The following VAV1 variants were observed in gnomAD, a reference collection of about 807,000 sequenced individuals.
VAV1 encodes proto-oncogene vav.
VAV1 carries 33 observed loss-of-function variants against 128.1 expected under a neutral mutation model. The observed-to-expected ratio is 0.26, with a 90% CI of 0.20 to 0.34. VAV1 has a LOEUF of 0.34. Ranked by LOEUF, VAV1 falls within the 10% of genes least tolerant of loss-of-function variation. VAV1 has a pLI of 1.00. For missense variants in VAV1, 715 were observed against 1,093.7 expected, an observed-to-expected ratio of 0.65 and a Z score of 4.88; for synonymous variants, 394 against 409.8, an observed-to-expected ratio of 0.96 and a Z score of 0.47.
chr19:6,853,979 G>T lies in VAV1; in HGVS notation c.2365G>T (p.Ala789Ser). Residue 789 changes from alanine to serine, a missense_variant, in exon 26 of 27, where the codon GCC (alanine) becomes TCC (serine). Ala to Ser is a moderately conservative substitution (Grantham distance 99). Coordinates refer to ENST00000602142, the MANE Select transcript of VAV1 (RefSeq NM_005428.4). ...CACAAAGTATTTTGGCACAGCCAAA[G>T]CCCGCTATGACTTCTGCGCCCGAGA... ...GSTKYFGTAK[A>S]RYDFCARDRS... 6.2e-7 allele frequency: 1 copy of T among 1,613,262 alleles called. No individual in the cohort carries two copies.
chr19:6,825,917 G>A lies in VAV1; in HGVS notation c.827+511G>A, dbSNP rs186148864. 1.3e-3 allele frequency among the ~76,000 whole-genome samples: 198 copies of A among 152,160 alleles called. 1 individual carries two copies. Among genetic ancestry groups the A allele is most frequent in the African/African-American group, 4.5e-3 (187 of 41,490 alleles). ...AAATACAAAAAACAATTAGCTGGGC[G>A]TGGTGGCATGCACCTGTAATCCCAG... On this transcript the variant is annotated intron_variant, in intron 8 of 26. Transcript: ENST00000602142.
At chr19:6,839,728 G>C (rs1972324596) in intron 21 of VAV1, among the ~76,000 whole-genome samples, 1 of 152,148 alleles carries the variant, frequency 6.6e-6, no homozygotes, top group Admixed American at 6.6e-5. Context: ...ATCTCACTCT[G>C]TTGCCCAGGC....
intron 21 of VAV1, among the ~76,000 whole-genome samples, chr19:6,842,485 G>T (rs1387043528): frequency 6.6e-6 from 1 of 152,026 alleles, no homozygotes; most frequent in African/African-American, 2.4e-5. Context: ...TAATTCATGG[G>T]CACTGACAGG....
intron 16 of VAV1, 116 bp downstream of exon 16, chr19:6,833,401 T>A: frequency 7.3e-7 from 1 of 1,366,700 alleles, no homozygotes; most frequent in South Asian, 1.4e-5. Context: ...CCTACTTTGA[T>A]CTTCTGCTTC....
intron 1 of VAV1, among the ~76,000 whole-genome samples, chr19:6,776,427 T>C (rs1205299629): frequency 1.4e-5 from 2 of 142,574 alleles, no homozygotes; most frequent in African/African-American, 5.5e-5. Context: ...CATCCATCCA[T>C]CCATCCATCC....
At chr19:6,796,153 A>G (rs951644890) in intron 1 of VAV1, among the ~76,000 whole-genome samples, 1 of 152,162 alleles carries the variant, frequency 6.6e-6, no homozygotes, top group South Asian at 2.1e-4. Context: ...TGGGGATTAT[A>G]CGTTCCCAAC....
Position 6,772,718 on chromosome 19 carries a change from G to T in VAV1, c.-90G>T. On this transcript the variant is annotated 5_prime_UTR_variant, in exon 1 of 27. Coordinates refer to ENST00000602142, the MANE Select transcript of VAV1 (RefSeq NM_005428.4). This position sits in a 1 kb window ranked among gnomAD's most constrained non-coding sequence, Gnocchi z 4.8. ...AGAAGAGGAAGTGGTAGCACTAGCT[G>T]TCGCTCCACAGGCGAGCAGGGCAGG... 4.3e-6 allele frequency: 6 copies of T among 1,394,684 alleles called. No individual in the cohort carries two copies. The South Asian group carries it at 6.6e-5, about 15-fold the overall frequency. The allele number at this position is 1,394,684 out of a possible 1,614,324, so 86.4% of individuals were successfully genotyped here. A position where few individuals can be genotyped will look rare whatever the true frequency, so the allele number is the denominator to read the frequency against.
At chr19:6,817,816 A>G (rs563405230) in intron 1 of VAV1, among the ~76,000 whole-genome samples, 2 of 152,006 alleles carry the variant, frequency 1.3e-5, no homozygotes, top group South Asian at 2.1e-4. Context: ...CCTCCCGAGT[A>G]GCTGGGACTA....
chr19:6,818,887 G>A (rs999373812), intron 1 of VAV1, among the ~76,000 whole-genome samples: 4 of 152,094 alleles, frequency 2.6e-5, no homozygotes, highest in East Asian at 3.9e-4. Flanking sequence ...AGGCCGAGGC[G>A]GGTGGATCAC....
chr19:6,779,984 G>A lies in VAV1; in HGVS notation c.204+6973G>A, dbSNP rs1017729580. Among the ~76,000 whole-genome samples the A allele has an allele frequency of 1.1e-4, 17 of 148,742 alleles. 1 individual carries two copies. The highest frequency in any genetic ancestry group is 2.4e-4 in the African/African-American group (10 of 40,990). On this transcript the variant is annotated intron_variant, in intron 1 of 26. Transcript: ENST00000602142. The stretch of plus-strand genomic sequence containing the variant: ...AAATTAGCCGGGCGTGGTTGCGGGC[G>A]CCTGTAGTCCCAGCTACTCGGGAGG...
rs746057541 is a variant in VAV1 at position 6,825,160 on chromosome 19, G to A, written c.723+39G>A. On this transcript the variant is annotated intron_variant, in intron 7 of 26. Transcript: ENST00000602142. ...TCCCCAGCCCTCTTGGGTCTGTCTAGTGCGGATAACCTGCTGCCCCTACCT... is the reference window on the plus strand; with the variant it reads ...TCCCCAGCCCTCTTGGGTCTGTCTAATGCGGATAACCTGCTGCCCCTACCT... 11 of 1,601,082 alleles carry A rather than the reference G, an allele frequency of 6.9e-6. No individual in the cohort carries two copies. In the Admixed American group the frequency reaches 1.9e-4, roughly 27 times the overall value.
At chr19:6,801,371 G>C (rs1382117078) in intron 1 of VAV1, among the ~76,000 whole-genome samples, 1 of 152,136 alleles carries the variant, frequency 6.6e-6, no homozygotes, top group South Asian at 2.1e-4. Flanking sequence ...TCTGGGAGTC[G>C]AACCAGATCT....
intron 26 of VAV1, 91 bp downstream of exon 26, chr19:6,854,189 G>T (rs1374797648): frequency 2.4e-5 from 37 of 1,512,034 alleles, no homozygotes; most frequent in Admixed American, 3.8e-5. Flanking sequence ...AAGGTGAGGT[G>T]CGGCTCCCAT....
intron 19 of VAV1, among the ~76,000 whole-genome samples, chr19:6,835,429 A>T (rs308197): frequency 0.68 from 102,834 of 151,752 alleles, 40,139 homozygotes; most frequent in Non-Finnish European, 0.86. Flanking sequence ...CACCTTAAAA[A>T]TTTTTTTGCT....
rs200705988 is a variant in VAV1, at chr19:6,828,099, C to T, written c.951C>T (p.Asn317=). 110 of 1,614,168 alleles carry T rather than the reference C, an allele frequency of 6.8e-5. No homozygotes were observed. The highest frequency in any genetic ancestry group is 5.3e-4 in the Admixed American group (32 of 60,000). The change falls in exon 10 of 27, where the codon AAC becomes AAT. Residue 317 remains asparagine, a synonymous_variant. Coordinates refer to ENST00000602142, the MANE Select transcript of VAV1 (RefSeq NM_005428.4). The surrounding 1 kb of genome is among the most constrained non-coding windows in gnomAD (Gnocchi z 4.5). ...AGGAATGTTCTCAGAGAGCCAACAA[C>T]GGGAGGTTCACCCTGCGGGACCTGC... is the stretch of plus-strand genomic sequence containing the variant. ...KLEECSQRAN[N]GRFTLRDLLM... is the part of the protein sequence containing the mutation.
chr19:6,787,890 C>T (rs1970928958), intron 1 of VAV1, among the ~76,000 whole-genome samples: 1 of 151,954 alleles, frequency 6.6e-6, no homozygotes, highest in Non-Finnish European at 1.5e-5. Context: ...TCCTGGCTAA[C>T]ACGGTGAAAC....
intron 21 of VAV1, among the ~76,000 whole-genome samples, chr19:6,839,117 G>C: frequency 6.6e-6 from 1 of 151,926 alleles, no homozygotes; most frequent in Non-Finnish European, 1.5e-5. Flanking sequence ...TGGTCAGGCT[G>C]GTCTCGAACT....
intron 1 of VAV1, among the ~76,000 whole-genome samples, chr19:6,785,441 C>T (rs1271948345): frequency 1.3e-5 from 2 of 151,946 alleles, no homozygotes; most frequent in African/African-American, 2.4e-5. Flanking sequence ...AAGTGATTCT[C>T]CTGCCTCAGC....
rs1208776707 is a variant in VAV1, at chr19:6,834,345, G to A, written c.1777+392G>A. Among the ~76,000 whole-genome samples the A allele has an allele frequency of 2.0e-5, 3 of 151,282 alleles. No homozygotes were observed. In the East Asian group the frequency reaches 5.9e-4, roughly 30 times the overall value. On this transcript the variant is annotated intron_variant, in intron 19 of 26. Transcript: ENST00000602142. Reference sequence around the variant, plus strand: ...TACAACCTCCACCTCCCAAGTTCAAGCGATTCTCCTGCCTCAGCCTCCCAA... The same window carrying A: ...TACAACCTCCACCTCCCAAGTTCAAACGATTCTCCTGCCTCAGCCTCCCAA...
Sources: allele counts gnomAD v4.1 joint callset (sites outside exome capture counted in the v4.1 genomes callset), GRCh38; gene constraint gnomAD v4.1.1; non-coding constraint Gnocchi (gnomAD v3.1); transcripts MANE v1.5; gene names NCBI Gene and HGNC (gene_info 2026-07-23, HGNC 2026-07-21).